CACNG6: variants seen among roughly 807,000 people sequenced by gnomAD.
The protein encoded by CACNG6 is calcium voltage-gated channel auxiliary subunit gamma 6.
A neutral mutation model predicts 23.9 loss-of-function variants in CACNG6; 21 were observed. The ratio of observed to expected loss-of-function variants is 0.88; its 90% CI spans 0.62 to 1.26. The LOEUF (loss-of-function observed/expected upper bound fraction) is 1.26. Ranked by LOEUF, CACNG6 falls within the 50% of genes most tolerant of loss-of-function variation. CACNG6 has a pLI of 0.00. For synonymous variants in CACNG6, 182 were observed against 168.9 expected (o/e 1.08, Z -0.60); for missense variants, 340 against 352.9 (o/e 0.96, Z 0.29).
chr19:54,004,898 T>TA (rs1460231164), intron 3 of CACNG6, among the ~76,000 whole-genome samples: 1 of 145,970 alleles, frequency 6.9e-6, no homozygotes, highest in Non-Finnish European at 1.5e-5. Flanking sequence ...AAGAAAATGT[T>TA]AAAAATAAAT....
intron 1 of CACNG6, among the ~76,000 whole-genome samples, chr19:53,996,473 A>G (rs539701304): frequency 1.3e-5 from 2 of 148,350 alleles, no homozygotes; most frequent in South Asian, 2.1e-4. Flanking sequence ...GCTCACTGCA[A>G]CCTCTGCTTC....
chr19:54,008,311 C>G (rs950252722), intron 3 of CACNG6, among the ~76,000 whole-genome samples: 3 of 152,132 alleles, frequency 2.0e-5, no homozygotes, highest in Non-Finnish European at 4.4e-5. Flanking sequence ...TGAGATTGCA[C>G]CATTGCACTC....
Position 53,992,093 on chromosome 19 carries a change from G to A in CACNG6, c.-785G>A, listed in dbSNP as rs1420311053. ...GACCTCGGATCTTTTCTGAATGGCA[G>A]GGGAGACCCCTATCCCCTTTTCCTG... On this transcript the variant is annotated 5_prime_UTR_variant, in exon 1 of 4. Transcript: ENST00000252729. This position sits in a 1 kb window ranked among gnomAD's most constrained non-coding sequence, Gnocchi z 4.1. Among the ~76,000 whole-genome samples, 1 of 152,186 alleles carries A rather than the reference G, an allele frequency of 6.6e-6. No homozygotes were observed. The highest frequency in any genetic ancestry group is 1.5e-5 in the Non-Finnish European group (1 of 68,020).
chr19:53,997,244 A>G (rs183071186), intron 1 of CACNG6, among the ~76,000 whole-genome samples: 143 of 152,182 alleles, frequency 9.4e-4, no homozygotes, highest in African/African-American at 3.2e-3. Context: ...GTGTTTCTCA[A>G]ATCTCTCCAT....
chr19:54,005,234 T>A, intron 3 of CACNG6, among the ~76,000 whole-genome samples: 1 of 118,608 alleles, frequency 8.4e-6, no homozygotes, highest in Non-Finnish European at 1.7e-5. Context: ...AATAAATAAA[T>A]AAATAAATAA....
intron 3 of CACNG6, among the ~76,000 whole-genome samples, chr19:54,006,406 C>T (rs2069645360): frequency 6.6e-6 from 1 of 151,974 alleles, no homozygotes; most frequent in Non-Finnish European, 1.5e-5. Context: ...AACGCGTCCA[C>T]AGGGAAGTTT....
At chr19:54,006,643 C>T (rs140838217) in intron 3 of CACNG6, among the ~76,000 whole-genome samples, 23 of 150,048 alleles carry the variant, frequency 1.5e-4, no homozygotes, top group African/African-American at 5.4e-4. Flanking sequence ...AAGTGATTCT[C>T]CTGCCTCAGC....
At chr19:54,002,864 G>A (rs2145960677) in intron 3 of CACNG6, among the ~76,000 whole-genome samples, 1 of 152,254 alleles carries the variant, frequency 6.6e-6, no homozygotes, top group Admixed American at 6.5e-5. Flanking sequence ...AAAGGGTCGT[G>A]TTCAGGTTGT....
chr19:53,991,698 C>G lies in CACNG6; in HGVS notation c.-1180C>G, dbSNP rs1361078613. Among the ~76,000 whole-genome samples the G allele has an allele frequency of 6.6e-6, 1 of 151,234 alleles. No homozygotes were observed. The highest frequency in any genetic ancestry group is 2.0e-4 in the East Asian group (1 of 5,126). ...GGAGGCAGCGCGGAGCTGGGGTCGG[C>G]GCGGGGCCGAGGCAGGAGAGCGAGA... On this transcript the variant is annotated 5_prime_UTR_variant, in exon 1 of 4. Coordinates refer to ENST00000252729, the MANE Select transcript of CACNG6 (RefSeq NM_145814.2).
chr19:53,993,061 T>TG lies in CACNG6; in HGVS notation c.187dup (p.Val63GlyfsTer56). On this transcript the variant is annotated frameshift_variant, in exon 1 of 4. Coordinates refer to ENST00000252729, the MANE Select transcript of CACNG6 (RefSeq NM_145814.2). LOFTEE classifies it high-confidence loss of function. ...GGTGCTGTCCGTGGGCACCGAGTTCTGGGTGGAGCTCAACACCTACAAGGC... is the reference window on the plus strand; with the variant it reads ...GGTGCTGTCCGTGGGCACCGAGTTCTGGGGTGGAGCTCAACACCTACAAGGC... The TG allele has an allele frequency of 1.3e-6, 2 of 1,525,582 alleles. No individual in the cohort carries two copies. Among genetic ancestry groups the TG allele is most frequent in the East Asian group, 5.1e-5 (2 of 38,896 alleles). 94.5% of individuals were successfully genotyped at this position (1,525,582 alleles called of 1,614,324 possible). A position where few individuals can be genotyped will look rare whatever the true frequency, so the allele number is the denominator to read the frequency against.
At chr19:54,008,633 G>T (rs2069671887) in intron 3 of CACNG6, among the ~76,000 whole-genome samples, 1 of 151,972 alleles carries the variant, frequency 6.6e-6, no homozygotes, top group Non-Finnish European at 1.5e-5. Flanking sequence ...ACTCTGTGCT[G>T]CGTCCTACAC....
intron 1 of CACNG6, among the ~76,000 whole-genome samples, chr19:53,997,277 C>T (rs186861819): frequency 5.9e-5 from 9 of 152,254 alleles, no homozygotes; most frequent in African/African-American, 2.2e-4. Context: ...TATTCTAATT[C>T]ATGGCTATAT....
intron 3 of CACNG6, among the ~76,000 whole-genome samples, chr19:54,005,626 G>C (rs1055381845): frequency 1.3e-5 from 2 of 151,724 alleles, no homozygotes; most frequent in African/African-American, 4.8e-5. Context: ...TGGTGGTGAT[G>C]CCTGTAGTCC....
At chr19:54,006,972 A>T (rs763123628) in intron 3 of CACNG6, among the ~76,000 whole-genome samples, 2 of 150,140 alleles carry the variant, frequency 1.3e-5, no homozygotes, top group Non-Finnish European at 2.9e-5. Flanking sequence ...TCTCATAAGG[A>T]CACCAGTCAC....
At chr19:54,011,203 A>ATATATATATAT (rs1236174156) in intron 3 of CACNG6, among the ~76,000 whole-genome samples, 25 of 100,654 alleles carry the variant, frequency 2.5e-4, no homozygotes, top group Non-Finnish European at 4.5e-4. Context: ...AAAAAAAAAA[A>ATATATATATAT]AAATATATAT....
At chr19:53,999,576 ATCC>A in intron 2 of CACNG6, 55 bp from the exon 3 acceptor site, 1 of 1,581,454 alleles carries the variant, frequency 6.3e-7, no homozygotes, top group African/African-American at 1.3e-5. Flanking sequence ...CTATGGGTGA[ATCC>A]TCCTCATTCC....
chr19:54,010,954 T>C (rs1600066244), intron 3 of CACNG6, among the ~76,000 whole-genome samples: 1 of 151,930 alleles, frequency 6.6e-6, no homozygotes, highest in African/African-American at 2.4e-5. Context: ...TTGATGCATG[T>C]AAACAATGCA....
At chr19:53,995,905 G>A (rs2069516301) in intron 1 of CACNG6, among the ~76,000 whole-genome samples, 1 of 152,100 alleles carries the variant, frequency 6.6e-6, no homozygotes, top group African/African-American at 2.4e-5. Context: ...CAGGTGATCT[G>A]CCCGCCTCGG....
In CACNG6 at chr19:53,999,628, T is replaced by C. The variant is rs373988216; in HGVS notation, c.407-6T>C. On this transcript the variant is annotated splice_region_variant and splice_polypyrimidine_tract_variant and intron_variant, in intron 2 of 3. Transcript: ENST00000252729. ...TCTCTGCTTCTTTCCTCTCTCCTGC[T>C]GGCAGAGGTGAATCTGGCAGCTGCG... 1 of 1,613,234 alleles carries C rather than the reference T, an allele frequency of 6.2e-7. No individual in the cohort carries two copies. Among genetic ancestry groups the C allele is most frequent in the Non-Finnish European group, 8.5e-7 (1 of 1,179,954 alleles).
Sources: allele counts gnomAD v4.1 joint callset (sites outside exome capture counted in the v4.1 genomes callset), GRCh38; gene constraint gnomAD v4.1.1; non-coding constraint Gnocchi (gnomAD v3.1); transcripts MANE v1.5; gene names NCBI Gene and HGNC (gene_info 2026-07-23, HGNC 2026-07-21).